AP4E1: variants seen among roughly 807,000 people sequenced by gnomAD.
AP4E1 encodes the protein adaptor related protein complex 4 subunit epsilon 1, also known as AP-4 complex subunit epsilon-1.
Under a neutral mutation model 128.2 loss-of-function variants are expected in AP4E1, and 56 were observed. The ratio of observed to expected loss-of-function variants is 0.44; its 90% CI spans 0.35 to 0.55. AP4E1 has a LOEUF of 0.55. Ranked by LOEUF, AP4E1 falls within the 20% of genes least tolerant of loss-of-function variation. The pLI, the probability that AP4E1 is intolerant of heterozygous loss-of-function variation, is 0.00. For missense variants in AP4E1, 1,324 were observed against 1,307.7 expected, an observed-to-expected ratio of 1.01 and a Z score of -0.19; for synonymous variants, 484 against 473.1, an observed-to-expected ratio of 1.02 and a Z score of -0.30.
At chr15:50,911,037 T>C (rs1483104699) in intron 1 of AP4E1, among the ~76,000 whole-genome samples, 2 of 152,248 alleles carry the variant, frequency 1.3e-5, no homozygotes, top group Admixed American at 1.3e-4. Flanking sequence ...TCAATAAAAT[T>C]TTTTAAAAAG....
intron 3 of AP4E1, among the ~76,000 whole-genome samples, chr15:50,919,183 T>A (rs2063664140): frequency 6.6e-6 from 1 of 151,174 alleles, no homozygotes; most frequent in Non-Finnish European, 1.5e-5. Flanking sequence ...TGAGCCAAGA[T>A]CACGCCACTG....
upstream of AP4E1, chr15:50,908,451 T>C (rs2063521080): frequency 4.0e-6 from 1 of 248,692 alleles, no homozygotes; most frequent in Non-Finnish European, 7.5e-6. Flanking sequence ...TGGGAGACAG[T>C]GCCTAACAGG....
chr15:50,934,253 A>G (rs2063876187), intron 7 of AP4E1, among the ~76,000 whole-genome samples: 1 of 152,108 alleles, frequency 6.6e-6, no homozygotes, highest in Admixed American at 6.5e-5. Flanking sequence ...TACAGTTAAT[A>G]TGCTATCTGA....
chr15:50,996,506 A>G (rs1401172838), intron 17 of AP4E1, among the ~76,000 whole-genome samples: 1 of 152,118 alleles, frequency 6.6e-6, no homozygotes, highest in Non-Finnish European at 1.5e-5. Flanking sequence ...TTGGGGCTTG[A>G]GGAGAGTGAC....
intron 15 of AP4E1, among the ~76,000 whole-genome samples, chr15:50,975,956 CAGAGAGAG>C (rs35121200): frequency 3.4e-5 from 5 of 148,288 alleles, no homozygotes; most frequent in Non-Finnish European, 6.0e-5. Context: ...ACAAAAGGGA[CAGAGAGAG>C]AGAGAGAGAG....
intron 1 of AP4E1, among the ~76,000 whole-genome samples, chr15:50,911,666 C>CG (rs34688465): frequency 0.57 from 85,634 of 151,556 alleles, 24,392 homozygotes; most frequent in South Asian, 0.62. Flanking sequence ...TTAGTAGGGA[C>CG]GGGGTTTTGC....
At chr15:50,938,688 C>T (rs900545258) in intron 8 of AP4E1, among the ~76,000 whole-genome samples, 11 of 152,218 alleles carry the variant, frequency 7.2e-5, no homozygotes, top group African/African-American at 2.6e-4. Context: ...GTCAGAACTT[C>T]CACTCCTGAT....
At chr15:50,950,582 C>G (rs1207058453) in intron 13 of AP4E1, among the ~76,000 whole-genome samples, 2 of 152,100 alleles carry the variant, frequency 1.3e-5, no homozygotes, top group East Asian at 3.8e-4. Context: ...TGAGTACTTA[C>G]ATTATTAACT....
Position 50,999,056 on chromosome 15 carries a change from T to C in AP4E1, c.2905-16T>C. The C allele has an allele frequency of 6.2e-7, 1 of 1,613,208 alleles. No individual in the cohort carries two copies. Among genetic ancestry groups the C allele is most frequent in the Non-Finnish European group, 8.5e-7 (1 of 1,179,236 alleles). The stretch of plus-strand genomic sequence containing the variant: ...ATCCCTTCCTTCTTCAACACTTTTA[T>C]TACTTCTATTTGCAGGTGACTGAGC... On this transcript the variant is annotated splice_polypyrimidine_tract_variant and intron_variant, in intron 18 of 20. Coordinates refer to ENST00000261842, the MANE Select transcript of AP4E1 (RefSeq NM_007347.5).
rs2306333 is a variant in AP4E1 at position 50,925,477 on chromosome 15, A to G, written c.542+258A>G. ...TGGCTTGCCTCCCATTTCTACCACT[A>G]ATGAGCAGTGGTCTTGTTTTTCCTT... On this transcript the variant is annotated intron_variant, in intron 5 of 20. Transcript: ENST00000261842. Among the ~76,000 whole-genome samples, 20,981 of 152,146 alleles carry G rather than the reference A, an allele frequency of 0.14. 1,595 individuals are homozygous for G. The highest frequency in any genetic ancestry group is 0.2 in the South Asian group (970 of 4,814).
At position 50,993,614 on chromosome 15, in the gene AP4E1, A is replaced by G. The variant is rs145037780; in HGVS notation, c.2335A>G (p.Thr779Ala). ...ATTTGTTGGTCTAGGATCAGAAAGTACAATCAACCTGGTAAGTAATCGGTT... is the reference window on the plus strand; with the variant it reads ...ATTTGTTGGTCTAGGATCAGAAAGTGCAATCAACCTGGTAAGTAATCGGTT... ...SLFVGLGSES[T>A]INLLGKADTV... Residue 779 changes from threonine (T) to alanine (A), a missense_variant, in exon 17 of 21, where the codon ACA (threonine) becomes GCA (alanine). Physicochemically the swap from Thr to Ala is moderately conservative, Grantham distance 58. Coordinates refer to ENST00000261842, the MANE Select transcript of AP4E1 (RefSeq NM_007347.5). 9.9e-6 allele frequency: 16 copies of G among 1,613,890 alleles called. No homozygotes were observed. Among genetic ancestry groups the G allele is most frequent in the Non-Finnish European group, 1.2e-5 (14 of 1,179,898 alleles).
intron 15 of AP4E1, among the ~76,000 whole-genome samples, chr15:50,974,407 C>T (rs2064524736): frequency 6.6e-6 from 1 of 152,008 alleles, no homozygotes; most frequent in African/African-American, 2.4e-5. Flanking sequence ...TCTAGGATTC[C>T]AGGTGCATGC....
At chr15:50,941,419 C>T (rs774502529) in intron 8 of AP4E1, 23 bp from the exon 9 acceptor site, 1 of 1,609,226 alleles carries the variant, frequency 6.2e-7, no homozygotes, top group Non-Finnish European at 8.5e-7. Flanking sequence ...TGATACCTGC[C>T]ATTTTTATGT....
At chr15:50,929,628 G>A (rs2063807937) in intron 6 of AP4E1, among the ~76,000 whole-genome samples, 2 of 152,086 alleles carry the variant, frequency 1.3e-5, no homozygotes, top group African/African-American at 4.8e-5. Context: ...TCTAAATGGC[G>A]ATGGTGGATT....
At position 50,929,119 on chromosome 15, in the gene AP4E1, ATGT is replaced by A; in HGVS notation, c.656_658del (p.Val219del). On this transcript the variant is annotated inframe_deletion, in exon 6 of 21. Transcript: ENST00000261842. ...TTTCGGAAAGCACTTTGTGACAGAG[ATGT>A]TGGGGTCATGGCTGCCTCCTTGCAT... 1.9e-6 allele frequency: 3 copies of A among 1,613,906 alleles called. No homozygotes were observed. Among genetic ancestry groups the A allele is most frequent in the Non-Finnish European group, 2.5e-6 (3 of 1,179,928 alleles).
At chr15:51,000,392 C>T (rs981169257) in intron 19 of AP4E1, among the ~76,000 whole-genome samples, 11 of 152,134 alleles carry the variant, frequency 7.2e-5, no homozygotes, top group South Asian at 4.2e-4. Flanking sequence ...CTGTCTGCCT[C>T]GGCCTCCCAA....
chr15:50,945,252 A>G, intron 10 of AP4E1: 2 of 784,600 alleles, frequency 2.5e-6, no homozygotes, highest in Non-Finnish European at 4.7e-6. Flanking sequence ...GGGATTTGAC[A>G]GTGTAAGTAG....
In AP4E1 at chr15:50,929,188, A is replaced by G; in HGVS notation, c.702+20A>G. 6.2e-7 allele frequency: 1 copy of G among 1,610,624 alleles called. No individual in the cohort carries two copies. The highest frequency in any genetic ancestry group is 2.2e-5 in the East Asian group (1 of 44,766). ...ATTAAGGTAAGTTGGAAATTTTAGCAAGTACTGAGTAGTTACCATTAGAAA... is the reference window on the plus strand; with the variant it reads ...ATTAAGGTAAGTTGGAAATTTTAGCGAGTACTGAGTAGTTACCATTAGAAA... On this transcript the variant is annotated intron_variant, in intron 6 of 20. Coordinates refer to ENST00000261842, the MANE Select transcript of AP4E1 (RefSeq NM_007347.5).
intron 8 of AP4E1, 64 bp from the exon 9 acceptor site, chr15:50,941,378 C>A: frequency 6.4e-7 from 1 of 1,552,410 alleles, no homozygotes; most frequent in Non-Finnish European, 8.8e-7. Flanking sequence ...ACAAGTTCTA[C>A]ACAAATACAT....
Sources: gnomAD v4.1 joint callset for allele counts (sites outside exome capture counted in the v4.1 genomes callset) on GRCh38, gnomAD v4.1.1 for gene constraint, MANE v1.5 for transcripts, NCBI Gene and HGNC (gene_info 2026-07-23, HGNC 2026-07-21) for gene names.